The following DAB1 variants were observed in gnomAD, a reference collection of about 807,000 sequenced individuals.
The protein encoded by DAB1 is DAB adaptor protein 1, also known as disabled homolog 1.
In DAB1, 15 loss-of-function variants were observed where a neutral mutation model predicts 64.6. The ratio of observed to expected loss-of-function variants is 0.23; its 90% CI spans 0.16 to 0.36. The LOEUF (loss-of-function observed/expected upper bound fraction) is 0.36. Among genes scored for constraint, DAB1 ranks in the 10% least tolerant of loss-of-function variants. The probability of loss-of-function intolerance (pLI) is 1.00; values close to 1 mark genes in which losing one functional copy is unlikely to be tolerated. For synonymous variants in DAB1, 235 were observed against 251.9 expected (o/e 0.93, Z 0.64); for missense variants, 596 against 706.7 (o/e 0.84, Z 1.78).
chr1:57,633,923 T>C lies in DAB1; in HGVS notation n.625+15669A>G, dbSNP rs529683538. ...ATATAACGTTTGTCAATATTTTTAATGGTCATACTAAGTTGCTTTATCAGT... is the reference window on the plus strand; with the variant it reads ...ATATAACGTTTGTCAATATTTTTAACGGTCATACTAAGTTGCTTTATCAGT... On this transcript the variant is annotated intron_variant and non_coding_transcript_variant, in intron 7 of 20. Transcript: ENST00000485760. Among the ~76,000 whole-genome samples the C allele has an allele frequency of 2.0e-5, 3 of 152,346 alleles. No individual in the cohort carries two copies. The East Asian group carries it at 5.8e-4, about 29-fold the overall frequency.
intron 5 of DAB1, among the ~76,000 whole-genome samples, chr1:58,099,265 T>G (rs1201126503): frequency 6.6e-6 from 1 of 152,186 alleles, no homozygotes; most frequent in African/African-American, 2.4e-5. Flanking sequence ...CACATCTCTC[T>G]CCCTGAGTGC....
intron 1 of DAB1, among the ~76,000 whole-genome samples, chr1:57,422,594 G>A (rs1349352954): frequency 1.3e-5 from 2 of 152,142 alleles, no homozygotes; most frequent in Non-Finnish European, 2.9e-5. Flanking sequence ...TCCGCCCGCC[G>A]CCAAGAGCGG....
intron 4 of DAB1, among the ~76,000 whole-genome samples, chr1:58,213,373 T>C (rs938506600): frequency 6.6e-6 from 1 of 151,956 alleles, no homozygotes; most frequent in African/African-American, 2.4e-5. Flanking sequence ...CGAGACAGGG[T>C]AATTTATAAA....
rs1482109927 is a variant in DAB1, at chr1:58,119,219, TGTGTGC to T, written n.387+31286_387+31291del. 4.5e-3 allele frequency among the ~76,000 whole-genome samples: 352 copies of T among 78,460 alleles called. 3 individuals carry two copies. Among genetic ancestry groups the T allele is most frequent in the African/African-American group, 0.016 (334 of 20,612 alleles). 51.5% of individuals were successfully genotyped at this position (78,460 alleles called of 152,430 possible). A position where few individuals can be genotyped will look rare whatever the true frequency, so the allele number is the denominator to read the frequency against. On this transcript the variant is annotated intron_variant and non_coding_transcript_variant, in intron 5 of 20. Transcript: ENST00000485760. ...AGCTCTGAAAATCAAATATTGTGTG[TGTGTGC>T]GTGTGTGTGTGTGTGTGTGTGTGTG...
intron 7 of DAB1, among the ~76,000 whole-genome samples, chr1:57,505,965 C>T (rs1481261731): frequency 6.6e-6 from 1 of 152,224 alleles, no homozygotes; most frequent in Non-Finnish European, 1.5e-5. Context: ...GCCACTGCAC[C>T]TGGCTAACTT....
chr1:57,251,508 T>G (rs1209458934), intron 2 of DAB1, among the ~76,000 whole-genome samples: 2 of 152,152 alleles, frequency 1.3e-5, no homozygotes, highest in Non-Finnish European at 2.9e-5. Flanking sequence ...AAAGGTTTAG[T>G]GTATTATATA....
chr1:57,817,117 G>A (rs79481858), intron 6 of DAB1, among the ~76,000 whole-genome samples: 1 of 151,814 alleles, frequency 6.6e-6, no homozygotes. Flanking sequence ...AAGACTGAAT[G>A]AAGAGAGGTG....
chr1:57,354,250 G>C (rs1298530153), intron 1 of DAB1, among the ~76,000 whole-genome samples: 4 of 152,052 alleles, frequency 2.6e-5, no homozygotes, highest in Non-Finnish European at 5.9e-5. Flanking sequence ...GTAGTATCTG[G>C]CTGACATTCC....
intron 4 of DAB1, among the ~76,000 whole-genome samples, chr1:58,258,483 T>C (rs1299120414): frequency 6.6e-6 from 1 of 152,180 alleles, no homozygotes; most frequent in African/African-American, 2.4e-5. Context: ...TGTAAATCAC[T>C]GTGTGGCCTT....
At chr1:58,537,088 A>C (rs370930355) in intron 1 of DAB1, among the ~76,000 whole-genome samples, 1 of 137,728 alleles carries the variant, frequency 7.3e-6, no homozygotes, top group Non-Finnish European at 1.6e-5. Flanking sequence ...CTCTCTCTGT[A>C]TATATATATA....
At chr1:57,534,140 C>T (rs1057384423) in intron 7 of DAB1, among the ~76,000 whole-genome samples, 2 of 152,094 alleles carry the variant, frequency 1.3e-5, no homozygotes, top group Non-Finnish European at 2.9e-5. Flanking sequence ...ATATAATCAT[C>T]CAGGAGTGCT....
intron 1 of DAB1, among the ~76,000 whole-genome samples, chr1:57,343,449 C>G (rs911039773): frequency 6.6e-6 from 1 of 152,356 alleles, no homozygotes; most frequent in Middle Eastern, 3.4e-3. Flanking sequence ...ACCGTGCGCC[C>G]GCACTCCTGA....
At chr1:57,582,444 G>A (rs1645324962) in intron 7 of DAB1, among the ~76,000 whole-genome samples, 1 of 152,130 alleles carries the variant, frequency 6.6e-6, no homozygotes, top group Non-Finnish European at 1.5e-5. Flanking sequence ...TTGACACGTG[G>A]GGATTACAAT....
chr1:58,401,868 T>A (rs1235507202), intron 3 of DAB1, among the ~76,000 whole-genome samples: 9 of 152,236 alleles, frequency 5.9e-5, no homozygotes, highest in Admixed American at 5.9e-4. Context: ...TGTCAGAATT[T>A]TTTTCTGTCT....
At chr1:57,399,682 T>C (rs975528042) in intron 1 of DAB1, among the ~76,000 whole-genome samples, 1 of 152,104 alleles carries the variant, frequency 6.6e-6, no homozygotes, top group Non-Finnish European at 1.5e-5. Context: ...ATAAGAAAAA[T>C]GAGACTGATA....
chr1:58,063,249 T>C (rs113335240), intron 5 of DAB1, among the ~76,000 whole-genome samples: 6 of 152,226 alleles, frequency 3.9e-5, no homozygotes, highest in African/African-American at 1.4e-4. Flanking sequence ...AATAACAGAA[T>C]GTTAAAATGG....
intron 7 of DAB1, among the ~76,000 whole-genome samples, chr1:57,637,613 A>T (rs760672915): frequency 2.0e-5 from 3 of 152,182 alleles, no homozygotes; most frequent in Non-Finnish European, 2.9e-5. Flanking sequence ...TAAAGACAGG[A>T]TGCTGAGACT....
At chr1:57,789,008 T>A (rs1333064829) in intron 6 of DAB1, among the ~76,000 whole-genome samples, 3 of 151,986 alleles carry the variant, frequency 2.0e-5, no homozygotes, top group Non-Finnish European at 4.4e-5. Flanking sequence ...CACCCTTCGC[T>A]TAAACAAACA....
At chr1:58,218,903 G>T (rs1331682471) in intron 4 of DAB1, among the ~76,000 whole-genome samples, 1 of 149,188 alleles carries the variant, frequency 6.7e-6, no homozygotes, top group Non-Finnish European at 1.5e-5. Context: ...TTAGATTGTG[G>T]GTGGTTTTTA....
Sources: allele counts gnomAD v4.1 joint callset (sites outside exome capture counted in the v4.1 genomes callset), GRCh38; gene constraint gnomAD v4.1.1; transcripts MANE v1.5; gene names NCBI Gene and HGNC (gene_info 2026-07-23, HGNC 2026-07-21).